The following ZPBP variants were observed in gnomAD, a reference collection of about 807,000 sequenced individuals.
ZPBP encodes the protein zona pellucida binding protein.
In ZPBP, 26 loss-of-function variants were observed where a neutral mutation model predicts 44.8. The ratio of observed to expected loss-of-function variants is 0.58; its 90% CI spans 0.43 to 0.81. The LOEUF (loss-of-function observed/expected upper bound fraction) is 0.81, where lower values mean the gene tolerates loss of function less well. Ranked by LOEUF, ZPBP falls within the 30% of genes least tolerant of loss-of-function variation. The pLI is 0.00. For missense variants in ZPBP, 409 were observed against 434.0 expected (o/e 0.94, Z 0.51); for synonymous variants, 174 against 153.2 (o/e 1.14, Z -1.00).
intron 3 of ZPBP, 55 bp downstream of exon 3, chr7:50,081,719 T>G: frequency 6.3e-7 from 1 of 1,591,998 alleles, no homozygotes; most frequent in South Asian, 1.1e-5. Flanking sequence ...TCTTTTTGTG[T>G]TGCACACAAT....
chr7:50,033,064 A>T (rs1799673582), intron 4 of ZPBP, among the ~76,000 whole-genome samples: 1 of 152,044 alleles, frequency 6.6e-6, no homozygotes, highest in Non-Finnish European at 1.5e-5. Context: ...TGTTGAAAAC[A>T]TTGCTGATTA....
At chr7:49,985,641 C>G (rs1797233519) in intron 6 of ZPBP, among the ~76,000 whole-genome samples, 3 of 120,802 alleles carry the variant, frequency 2.5e-5, no homozygotes, top group African/African-American at 3.0e-5. Flanking sequence ...ATACCCCATG[C>G]AAAAAAAAAA....
chr7:50,075,745 A>G (rs1250111305), intron 3 of ZPBP, among the ~76,000 whole-genome samples: 2 of 152,018 alleles, frequency 1.3e-5, no homozygotes, highest in Non-Finnish European at 2.9e-5. Flanking sequence ...AAGTAACAAG[A>G]TAGAAGCCTT....
intron 3 of ZPBP, among the ~76,000 whole-genome samples, chr7:50,058,647 C>T (rs1801087028): frequency 6.6e-6 from 1 of 151,734 alleles, no homozygotes; most frequent in African/African-American, 2.4e-5. Flanking sequence ...TGATGAAAAG[C>T]AAAATTTGGC....
intron 2 of ZPBP, among the ~76,000 whole-genome samples, chr7:49,886,891 ACTT>A (rs1219487891): frequency 4.6e-5 from 7 of 151,902 alleles, no homozygotes; most frequent in African/African-American, 1.5e-4. Flanking sequence ...ACCTCGTAAG[ACTT>A]CTTCTACCCT....
intron 1 of ZPBP, among the ~76,000 whole-genome samples, chr7:49,902,107 T>C (rs1350673573): frequency 6.6e-6 from 1 of 151,904 alleles, no homozygotes; most frequent in Non-Finnish European, 1.5e-5. Context: ...TAGGAGAAAG[T>C]CTAGATAGCT....
intron 6 of ZPBP, among the ~76,000 whole-genome samples, chr7:50,017,565 C>T (rs958558195): frequency 5.9e-5 from 9 of 152,086 alleles, no homozygotes; most frequent in African/African-American, 2.2e-4. Context: ...ATCCCCTTGT[C>T]AATTTCACTA....
intron 2 of ZPBP, among the ~76,000 whole-genome samples, chr7:49,883,225 C>T (rs1213392890): frequency 2.0e-5 from 3 of 152,036 alleles, no homozygotes; most frequent in South Asian, 2.1e-4. Context: ...ACCTGCCAAG[C>T]GGAACCTAAC....
chr7:50,030,714 T>C (rs1297158157), intron 5 of ZPBP, among the ~76,000 whole-genome samples: 1 of 152,182 alleles, frequency 6.6e-6, no homozygotes, highest in Non-Finnish European at 1.5e-5. Flanking sequence ...ACTGGGCCTC[T>C]ACTCCACATT....
intron 7 of ZPBP, among the ~76,000 whole-genome samples, chr7:49,945,695 T>C (rs567616301): frequency 6.6e-6 from 1 of 152,242 alleles, no homozygotes; most frequent in South Asian, 2.1e-4. Context: ...TGGAACTTTT[T>C]TTAACTCTTT....
At position 49,989,619 on chromosome 7, in the gene ZPBP, C is replaced by T. The variant is rs193237920; in HGVS notation, c.784-6100G>A. 1.9e-4 allele frequency among the ~76,000 whole-genome samples: 29 copies of T among 152,272 alleles called. No individual in the cohort carries two copies. The East Asian group carries it at 4.6e-3, about 24-fold the overall frequency. On this transcript the variant is annotated intron_variant, in intron 6 of 7. Coordinates refer to ENST00000046087, the MANE Select transcript of ZPBP (RefSeq NM_007009.3). ...AAATTCTGTTTCAAAACTTATCATACATTTGTCATCAAAATCTACATTCAT... is the reference window on the plus strand; with the variant it reads ...AAATTCTGTTTCAAAACTTATCATATATTTGTCATCAAAATCTACATTCAT...
chr7:50,007,045 C>T (rs993715538), intron 6 of ZPBP, among the ~76,000 whole-genome samples: 1 of 151,774 alleles, frequency 6.6e-6, no homozygotes, highest in African/African-American at 2.4e-5. Context: ...ATAAAGGAGG[C>T]TGAAGGGAGC....
At chr7:49,930,129 C>T (rs1340073174) in intron 1 of ZPBP, among the ~76,000 whole-genome samples, 1 of 152,122 alleles carries the variant, frequency 6.6e-6, no homozygotes, top group African/African-American at 2.4e-5. Context: ...ATAAGAGCAC[C>T]TGCAACCATG....
At chr7:49,928,785 G>A (rs1794344166) in intron 1 of ZPBP, among the ~76,000 whole-genome samples, 2 of 152,132 alleles carry the variant, frequency 1.3e-5, no homozygotes, top group South Asian at 2.1e-4. Context: ...GGCTCAGTGG[G>A]TTAGATAACG....
At chr7:49,874,253 G>T (rs1034132005) in intron 2 of ZPBP, among the ~76,000 whole-genome samples, 1 of 152,152 alleles carries the variant, frequency 6.6e-6, no homozygotes, top group African/African-American at 2.4e-5. Flanking sequence ...ATAGGATGGT[G>T]GTCCCATAGA....
At chr7:50,092,296 G>A (rs911416923) in intron 1 of ZPBP, among the ~76,000 whole-genome samples, 1 of 152,128 alleles carries the variant, frequency 6.6e-6, no homozygotes, top group Non-Finnish European at 1.5e-5. Flanking sequence ...CCTGGACTTT[G>A]ATTTTTAAAT....
chr7:49,960,872 TC>T (rs1562802591), intron 7 of ZPBP, among the ~76,000 whole-genome samples: 1 of 141,646 alleles, frequency 7.1e-6, no homozygotes, highest in South Asian at 2.3e-4. Flanking sequence ...GGAGCAACTG[TC>T]ACCTCACATA....
chr7:49,939,679 A>T (rs946452813), intron 7 of ZPBP, among the ~76,000 whole-genome samples: 1 of 152,170 alleles, frequency 6.6e-6, no homozygotes, highest in African/African-American at 2.4e-5. Flanking sequence ...TAAAATTAAG[A>T]AATTAATTTT....
At chr7:49,902,261 G>C (rs1792794269) in intron 1 of ZPBP, among the ~76,000 whole-genome samples, 2 of 151,910 alleles carry the variant, frequency 1.3e-5, no homozygotes, top group East Asian at 3.9e-4. Context: ...CCACAGACTG[G>C]AAGAAAACAT....
Sources: allele counts gnomAD v4.1 joint callset (sites outside exome capture counted in the v4.1 genomes callset), GRCh38; gene constraint gnomAD v4.1.1; transcripts MANE v1.5; gene names NCBI Gene and HGNC (gene_info 2026-07-23, HGNC 2026-07-21).